The following CDH12 variants were observed in gnomAD, a reference collection of about 807,000 sequenced individuals.
CDH12 encodes cadherin 12, also known as cadherin-12.
CDH12 carries 41 observed loss-of-function variants against 74.1 expected under a neutral mutation model. The ratio of observed to expected loss-of-function variants is 0.55; its 90% CI spans 0.43 to 0.72. CDH12 has a LOEUF of 0.72. CDH12 is among the 30% of genes least tolerant of loss of function. The pLI is 0.00. For missense variants in CDH12, 945 were observed against 977.2 expected (o/e 0.97, Z 0.44); for synonymous variants, 399 against 355.0 (o/e 1.12, Z -1.39).
chr5:21,817,943 C>A (rs1748154382), intron 8 of CDH12, among the ~76,000 whole-genome samples: 1 of 151,760 alleles, frequency 6.6e-6, no homozygotes, highest in South Asian at 2.1e-4. Context: ...TTGTAATACT[C>A]TACAAAAAAA....
rs372474550 is a variant in CDH12 at position 22,101,315 on chromosome 5, G to A, written c.-186-22453C>T. Among the ~76,000 whole-genome samples the A allele has an allele frequency of 3.4e-4, 52 of 152,022 alleles. 1 individual carries two copies. The South Asian group carries it at 9.9e-3, about 29-fold the overall frequency. On this transcript the variant is annotated intron_variant, in intron 4 of 14. Coordinates refer to ENST00000382254, the MANE Select transcript of CDH12 (RefSeq NM_004061.5). Reference sequence around the variant, plus strand: ...TATTCCCATATTTAAAAGACTGGTCGTGTACTCCCGGTATGTATGTATTGT... The same window carrying A: ...TATTCCCATATTTAAAAGACTGGTCATGTACTCCCGGTATGTATGTATTGT...
intron 2 of CDH12, among the ~76,000 whole-genome samples, chr5:22,410,178 G>C (rs1325526416): frequency 6.6e-6 from 1 of 151,956 alleles, no homozygotes; most frequent in Non-Finnish European, 1.5e-5. Context: ...CTGCCCTCCT[G>C]TCTCTCAGTT....
intron 13 of CDH12, among the ~76,000 whole-genome samples, chr5:21,757,989 A>G (rs1744497230): frequency 6.6e-6 from 1 of 152,094 alleles, no homozygotes; most frequent in African/African-American, 2.4e-5. Context: ...TCTCCCTATG[A>G]TATATTTTCC....
At chr5:22,521,151 T>C (rs1737039330) in intron 1 of CDH12, among the ~76,000 whole-genome samples, 1 of 152,068 alleles carries the variant, frequency 6.6e-6, no homozygotes, top group Non-Finnish European at 1.5e-5. Context: ...AAGTGTTGTG[T>C]ATCTTATCAG....
chr5:22,805,605 A>C (rs1000898475), intron 1 of CDH12, among the ~76,000 whole-genome samples: 2 of 152,182 alleles, frequency 1.3e-5, no homozygotes, highest in African/African-American at 4.8e-5. Flanking sequence ...AATATATTTC[A>C]TAATAGTAAT....
At chr5:22,396,059 TTATATC>T (rs1742442888) in intron 3 of CDH12, among the ~76,000 whole-genome samples, 1 of 139,086 alleles carries the variant, frequency 7.2e-6, no homozygotes, top group Non-Finnish European at 1.6e-5. Flanking sequence ...AATCCTTGAT[TTATATC>T]AATGATGATT....
chr5:22,560,717 A>G (rs1440594593), intron 1 of CDH12, among the ~76,000 whole-genome samples: 1 of 152,144 alleles, frequency 6.6e-6, no homozygotes, highest in Non-Finnish European at 1.5e-5. Context: ...ACAGATCGTC[A>G]AGTTTTGGAC....
At chr5:22,032,008 A>T (rs943199292) in intron 5 of CDH12, among the ~76,000 whole-genome samples, 3 of 151,438 alleles carry the variant, frequency 2.0e-5, no homozygotes, top group East Asian at 3.9e-4. Context: ...TCAATTTATA[A>T]AAAAAAAATC....
At chr5:22,275,652 T>C (rs1001823758) in intron 3 of CDH12, among the ~76,000 whole-genome samples, 2 of 152,224 alleles carry the variant, frequency 1.3e-5, no homozygotes, top group Non-Finnish European at 2.9e-5. Context: ...TTTTTATCCC[T>C]TAATATCAAT....
intron 5 of CDH12, among the ~76,000 whole-genome samples, chr5:22,068,080 C>T (rs1278250685): frequency 6.6e-6 from 1 of 152,072 alleles, no homozygotes; most frequent in Non-Finnish European, 1.5e-5. Flanking sequence ...CACCAACTTC[C>T]TATGTGATCT....
At chr5:21,995,274 G>A (rs1470872069) in intron 5 of CDH12, among the ~76,000 whole-genome samples, 2 of 151,650 alleles carry the variant, frequency 1.3e-5, no homozygotes, top group Non-Finnish European at 2.9e-5. Context: ...AAGGAGGGAA[G>A]TCTGGGCTGT....
At position 22,215,851 on chromosome 5, in the gene CDH12, A is replaced by G. The variant is rs574337714; in HGVS notation, c.-332-3208T>C. On this transcript the variant is annotated intron_variant, in intron 3 of 14. Coordinates refer to ENST00000382254, the MANE Select transcript of CDH12 (RefSeq NM_004061.5). ...AATTCTCAGACACATCCATAACTTT[A>G]CAGAGAAGCATTGTGACCACACTCT... Among the ~76,000 whole-genome samples, 9 of 152,198 alleles carry G rather than the reference A, an allele frequency of 5.9e-5. No individual in the cohort carries two copies. The East Asian group carries it at 1.7e-3, about 29-fold the overall frequency.
intron 1 of CDH12, among the ~76,000 whole-genome samples, chr5:22,563,897 T>A (rs1321912369): frequency 6.6e-6 from 1 of 151,988 alleles, no homozygotes; most frequent in Non-Finnish European, 1.5e-5. Flanking sequence ...TTCACTAGAG[T>A]ACAGCATGAG....
At chr5:22,801,398 T>C (rs1381292625) in intron 1 of CDH12, among the ~76,000 whole-genome samples, 4 of 152,172 alleles carry the variant, frequency 2.6e-5, no homozygotes, top group Non-Finnish European at 5.9e-5. Flanking sequence ...AAAGAGATTT[T>C]GTATGAGCTA....
At chr5:22,276,552 G>C (rs1264605788) in intron 3 of CDH12, among the ~76,000 whole-genome samples, 3 of 152,158 alleles carry the variant, frequency 2.0e-5, no homozygotes, top group African/African-American at 7.2e-5. Flanking sequence ...TGATGTGAAA[G>C]AATGGTTCAC....
chr5:22,166,892 T>C (rs1748713567), intron 4 of CDH12, among the ~76,000 whole-genome samples: 1 of 152,194 alleles, frequency 6.6e-6, no homozygotes, highest in African/African-American at 2.4e-5. Context: ...AAAAGTCAAT[T>C]TGAACCCAGT....
intron 2 of CDH12, among the ~76,000 whole-genome samples, chr5:22,416,322 G>A (rs1425646148): frequency 6.6e-6 from 1 of 151,680 alleles, no homozygotes; most frequent in Non-Finnish European, 1.5e-5. Flanking sequence ...TGATCCGCCC[G>A]CCTCGGCCTC....
At chr5:22,046,381 T>C (rs1739951823) in intron 5 of CDH12, among the ~76,000 whole-genome samples, 1 of 151,434 alleles carries the variant, frequency 6.6e-6, no homozygotes, top group African/African-American at 2.4e-5. Flanking sequence ...TGGGCAGATA[T>C]AATAGCTACT....
intron 6 of CDH12, among the ~76,000 whole-genome samples, chr5:21,937,808 T>G (rs1579989693): frequency 2.0e-5 from 3 of 152,186 alleles, no homozygotes; most frequent in African/African-American, 7.2e-5. Flanking sequence ...CAGCATCACT[T>G]GACTGGTGCC....
Sources: allele counts gnomAD v4.1 joint callset (sites outside exome capture counted in the v4.1 genomes callset), GRCh38; gene constraint gnomAD v4.1.1; transcripts MANE v1.5; gene names NCBI Gene and HGNC (gene_info 2026-07-23, HGNC 2026-07-21).